Variants in ERC2 observed in about 807,000 individuals in gnomAD.
The protein encoded by ERC2 is ELKS/RAB6-interacting/CAST family member 2, also known as ERC protein 2.
A neutral mutation model predicts 114.8 loss-of-function variants in ERC2; 42 were observed. That is an observed-to-expected ratio of 0.37 (90% CI 0.29 to 0.47). ERC2 has a LOEUF of 0.47. ERC2 is among the 20% of genes least tolerant of loss of function. The pLI, the probability that ERC2 is intolerant of heterozygous loss-of-function variation, is 0.99. For missense variants in ERC2, 939 were observed against 1,150.7 expected (o/e 0.82, Z 2.66); for synonymous variants, 454 against 425.5 (o/e 1.07, Z -0.82).
At chr3:55,527,738 A>G (rs2053420444) in intron 17 of ERC2, among the ~76,000 whole-genome samples, 3 of 152,236 alleles carry the variant, frequency 2.0e-5, no homozygotes, top group African/African-American at 7.2e-5. Context: ...GAGAAACTCA[A>G]TCGCAAAATG....
chr3:55,912,810 C>G (rs2064883121), intron 13 of ERC2, among the ~76,000 whole-genome samples: 2 of 151,852 alleles, frequency 1.3e-5, no homozygotes, highest in Non-Finnish European at 2.9e-5. Context: ...TAATATTAAA[C>G]ATACAGGAAA....
intron 17 of ERC2, among the ~76,000 whole-genome samples, chr3:55,561,066 A>C (rs1213144335): frequency 6.6e-6 from 1 of 152,154 alleles, no homozygotes; most frequent in Non-Finnish European, 1.5e-5. Flanking sequence ...GGCCAAAGGC[A>C]AACATGGCTT....
At chr3:56,253,962 C>A (rs564919155) in intron 3 of ERC2, among the ~76,000 whole-genome samples, 7 of 152,308 alleles carry the variant, frequency 4.6e-5, no homozygotes, top group African/African-American at 1.7e-4. Flanking sequence ...AGGAATTCAA[C>A]CTCAAGGTCT....
chr3:55,805,938 A>C (rs555634542), intron 14 of ERC2, among the ~76,000 whole-genome samples: 1 of 152,296 alleles, frequency 6.6e-6, no homozygotes, highest in African/African-American at 2.4e-5. Flanking sequence ...ATTGTCTACT[A>C]TGAGGAGAAA....
At chr3:55,997,882 T>TGG (rs200242237) in intron 10 of ERC2, among the ~76,000 whole-genome samples, 1,809 of 12,494 alleles carry the variant, frequency 0.14, 112 homozygotes, top group Middle Eastern at 0.3. Flanking sequence ...TTAATTCTGT[T>TGG]TTTTTTTTTT....
chr3:55,825,569 T>G (rs114355581), intron 14 of ERC2, among the ~76,000 whole-genome samples: 2,155 of 152,332 alleles, frequency 0.014, 55 homozygotes, highest in African/African-American at 0.048. Flanking sequence ...CTAATAATTT[T>G]TATTTGAGAT....
intron 7 of ERC2, among the ~76,000 whole-genome samples, chr3:56,041,111 A>T (rs2075164858): frequency 6.6e-6 from 1 of 152,034 alleles, no homozygotes. Flanking sequence ...CTTGTATGAC[A>T]GGTTTCTTGG....
chr3:56,006,177 T>G (rs1055529616), intron 10 of ERC2, among the ~76,000 whole-genome samples: 4 of 152,078 alleles, frequency 2.6e-5, no homozygotes, highest in African/African-American at 9.7e-5. Flanking sequence ...TTCCTAAACA[T>G]CTCTGTAAAG....
At chr3:55,844,686 A>G (rs1037587724) in intron 14 of ERC2, among the ~76,000 whole-genome samples, 3 of 152,228 alleles carry the variant, frequency 2.0e-5, no homozygotes, top group Non-Finnish European at 4.4e-5. Context: ...CATGCATGCT[A>G]TATCTCAATT....
At chr3:56,432,000 G>C (rs1287281045) in intron 2 of ERC2, among the ~76,000 whole-genome samples, 1 of 152,172 alleles carries the variant, frequency 6.6e-6, no homozygotes, top group Non-Finnish European at 1.5e-5. Flanking sequence ...CGGTTAAGTG[G>C]AATTATGGAT....
chr3:55,984,544 G>T (rs2070436238), intron 12 of ERC2, among the ~76,000 whole-genome samples: 1 of 152,166 alleles, frequency 6.6e-6, no homozygotes, highest in Admixed American at 6.5e-5. Context: ...AAAACTTGGA[G>T]AAAAGGTTTG....
intron 2 of ERC2, among the ~76,000 whole-genome samples, chr3:56,313,382 T>C (rs2056712501): frequency 6.6e-6 from 1 of 152,118 alleles, no homozygotes; most frequent in Admixed American, 6.6e-5. Flanking sequence ...CTGTTAAAAA[T>C]GATGGGAGGC....
chr3:55,667,503 G>C (rs1202565399), intron 17 of ERC2, among the ~76,000 whole-genome samples: 3 of 152,178 alleles, frequency 2.0e-5, no homozygotes, highest in Non-Finnish European at 4.4e-5. Context: ...TTGTGCACAT[G>C]CTAAGTGCCT....
chr3:55,734,720 C>T (rs368588414), intron 15 of ERC2, 51 bp downstream of exon 15: 2 of 1,558,106 alleles, frequency 1.3e-6, no homozygotes, highest in Middle Eastern at 1.7e-4. Flanking sequence ...CAGAGAAAGC[C>T]CCCAAAGCCC....
At chr3:56,348,907 A>AGAAGGAAGGAAGGAAGGAAG (rs1358863890) in intron 2 of ERC2, among the ~76,000 whole-genome samples, 3 of 34,918 alleles carry the variant, frequency 8.6e-5, no homozygotes, top group African/African-American at 2.3e-4. Flanking sequence ...AAGGAAGGAA[A>AGAAGGAAGGAAGGAAGGAAG]GAAGGAAGGA....
At chr3:56,001,912 G>A (rs1224937733) in intron 10 of ERC2, among the ~76,000 whole-genome samples, 2 of 151,868 alleles carry the variant, frequency 1.3e-5, no homozygotes, top group Non-Finnish European at 2.9e-5. Context: ...GGGTGTTTTC[G>A]AGCTTGAAGA....
chr3:55,566,135 C>T (rs1260434688), intron 17 of ERC2, among the ~76,000 whole-genome samples: 1 of 152,180 alleles, frequency 6.6e-6, no homozygotes, highest in East Asian at 1.9e-4. Flanking sequence ...AGAGCATCTA[C>T]TTGGTCCTAA....
chr3:56,226,358 CAG>C lies in ERC2; in HGVS notation c.1075-52840_1075-52839del, dbSNP rs146846856. Among the ~76,000 whole-genome samples the C allele has an allele frequency of 3.0e-3, 452 of 152,218 alleles. 3 individuals are homozygous for C. The highest frequency in any genetic ancestry group is 0.01 in the African/African-American group (422 of 41,538). ...ATGCCTAGTGGTGCTAGAAATATAA[CAG>C]AGGCTCAAAATATTTGCTAACGTTC... On this transcript the variant is annotated intron_variant, in intron 3 of 17. Transcript: ENST00000288221.
chr3:55,583,529 CTTCCTTCCTTCCTTT>C (rs1169074960), intron 17 of ERC2, among the ~76,000 whole-genome samples: 11 of 56,798 alleles, frequency 1.9e-4, no homozygotes, highest in African/African-American at 6.1e-4. Flanking sequence ...CCCTCCCTTC[CTTCCTTCCTTCCTTT>C]CTTCCTTCCT....
Sources: allele counts gnomAD v4.1 joint callset (sites outside exome capture counted in the v4.1 genomes callset), GRCh38; gene constraint gnomAD v4.1.1; transcripts MANE v1.5; gene names NCBI Gene and HGNC (gene_info 2026-07-23, HGNC 2026-07-21).